Variants in OSBPL10 observed in about 807,000 individuals in gnomAD.
OSBPL10 encodes the protein oxysterol binding protein like 10, also known as oxysterol-binding protein-related protein 10.
In OSBPL10, 49 loss-of-function variants were observed where a neutral mutation model predicts 81.7. The observed-to-expected ratio is 0.60, with a 90% confidence interval of 0.48 to 0.76. The LOEUF (loss-of-function observed/expected upper bound fraction) is 0.76. OSBPL10 is among the 30% of genes least tolerant of loss of function. OSBPL10 has a pLI of 0.00. For missense variants in OSBPL10, 923 were observed against 987.8 expected (o/e 0.93, Z 0.88); for synonymous variants, 419 against 383.6 (o/e 1.09, Z -1.08).
intron 1 of OSBPL10, among the ~76,000 whole-genome samples, chr3:31,962,473 T>TA (rs34353075): frequency 0.075 from 11,368 of 152,220 alleles, 634 homozygotes; most frequent in East Asian, 0.29. Flanking sequence ...ACTGTACACT[T>TA]ACAAATGGTT....
At chr3:31,984,348 G>GTTT (rs144693842), upstream of OSBPL10, among the ~76,000 whole-genome samples, 6 of 145,544 alleles carry the variant, frequency 4.1e-5, no homozygotes, top group Non-Finnish European at 4.5e-5. Context: ...CCCACCTAAG[G>GTTT]TTTTTTTTTT....
chr3:32,012,213 A>G (rs2125540015), intron 2 of OSBPL10, among the ~76,000 whole-genome samples: 1 of 152,364 alleles, frequency 6.6e-6, no homozygotes, highest in East Asian at 1.9e-4. Flanking sequence ...GTTACCACAA[A>G]GGGAAGCCCA....
chr3:31,809,923 A>T (rs932159444), intron 4 of OSBPL10, among the ~76,000 whole-genome samples: 1 of 132,464 alleles, frequency 7.5e-6, no homozygotes, highest in African/African-American at 3.3e-5. Flanking sequence ...CCAGGCTGGA[A>T]TGCAATGGAG....
chr3:31,666,379 A>G (rs936375892), intron 10 of OSBPL10, among the ~76,000 whole-genome samples: 1 of 152,196 alleles, frequency 6.6e-6, no homozygotes, highest in Non-Finnish European at 1.5e-5. Context: ...CTAGTTGGGG[A>G]CTGGAGGCCT....
intron 1 of OSBPL10, among the ~76,000 whole-genome samples, chr3:32,071,661 A>C (rs1699829799): frequency 6.6e-6 from 1 of 151,870 alleles, no homozygotes; most frequent in Non-Finnish European, 1.5e-5. Flanking sequence ...TGCTCAACTC[A>C]CTCTCTACAG....
intron 6 of OSBPL10, chr3:31,713,810 T>G (rs922596524): frequency 1.3e-5 from 2 of 152,652 alleles, no homozygotes; most frequent in African/African-American, 4.8e-5. Flanking sequence ...GCTCTGCTTT[T>G]CCTTGCAGCA....
intron 2 of OSBPL10, among the ~76,000 whole-genome samples, chr3:32,019,130 C>G (rs185517828): frequency 6.6e-6 from 1 of 151,962 alleles, no homozygotes; most frequent in African/African-American, 2.4e-5. Flanking sequence ...CAACATCACC[C>G]ACCCCCCCAA....
chr3:31,765,207 TG>T (rs1359921310), intron 4 of OSBPL10, among the ~76,000 whole-genome samples: 1 of 151,740 alleles, frequency 6.6e-6, no homozygotes, highest in Non-Finnish European at 1.5e-5. Flanking sequence ...GTTTTGTTTT[TG>T]TTTTTTTTTT....
chr3:31,923,308 C>T (rs1404703774), intron 1 of OSBPL10, among the ~76,000 whole-genome samples: 1 of 152,106 alleles, frequency 6.6e-6, no homozygotes, highest in African/African-American at 2.4e-5. Context: ...CTCCAAAGGT[C>T]CAGTCCCCAC....
chr3:31,791,864 T>A lies in OSBPL10; in HGVS notation c.729+38176A>T, dbSNP rs1226912903. ...TTACAAAGAGCAAAAAAAAAAAAAATAAGAAACAGATTACTCCAATTCAAT... is the reference window on the plus strand; with the variant it reads ...TTACAAAGAGCAAAAAAAAAAAAAAAAAGAAACAGATTACTCCAATTCAAT... On this transcript the variant is annotated intron_variant, in intron 4 of 11. Transcript: ENST00000396556. Among the ~76,000 whole-genome samples the A allele has an allele frequency of 4.5e-4, 65 of 143,158 alleles. 1 individual carries two copies. The highest frequency in any genetic ancestry group is 1.2e-3 in the African/African-American group (45 of 38,400). The allele number at this position is 143,158 out of a possible 152,430, so 93.9% of individuals were successfully genotyped here.
intron 5 of OSBPL10, among the ~76,000 whole-genome samples, chr3:31,743,463 T>C (rs1027113359): frequency 6.6e-6 from 1 of 152,152 alleles, no homozygotes; most frequent in Non-Finnish European, 1.5e-5. Flanking sequence ...AATGTATAGA[T>C]GGGAGGCAGA....
intron 1 of OSBPL10, among the ~76,000 whole-genome samples, chr3:31,899,221 C>T (rs1290205950): frequency 6.6e-6 from 1 of 151,930 alleles, no homozygotes; most frequent in African/African-American, 2.4e-5. Context: ...GGATTACAGG[C>T]GTAAGCCACC....
At chr3:31,971,139 C>CTTTTTTTTTTTTTTTT (rs56785817) in intron 1 of OSBPL10, among the ~76,000 whole-genome samples, 1 of 119,354 alleles carries the variant, frequency 8.4e-6, no homozygotes, top group Non-Finnish European at 1.7e-5. Context: ...TTTCTTTTTT[C>CTTTTTTTTTTTTTTTT]TTTTTTTTTT....
At chr3:31,727,593 A>T (rs1696848722) in intron 6 of OSBPL10, among the ~76,000 whole-genome samples, 1 of 152,228 alleles carries the variant, frequency 6.6e-6, no homozygotes, top group South Asian at 2.1e-4. Context: ...AGGATTCAAT[A>T]AAGTGATTTT....
intron 3 of OSBPL10, among the ~76,000 whole-genome samples, chr3:31,865,782 C>T (rs1449775093): frequency 6.6e-6 from 1 of 152,174 alleles, no homozygotes; most frequent in African/African-American, 2.4e-5. Context: ...CAGATTGCCA[C>T]CAAAATTCTG....
chr3:32,044,334 C>G (rs1699604090), intron 2 of OSBPL10, among the ~76,000 whole-genome samples: 1 of 149,448 alleles, frequency 6.7e-6, no homozygotes, highest in Non-Finnish European at 1.5e-5. Flanking sequence ...AAAGAATTCC[C>G]CTATCAATAC....
intron 2 of OSBPL10, among the ~76,000 whole-genome samples, chr3:32,018,184 A>T (rs894479077): frequency 1.2e-4 from 18 of 148,746 alleles, no homozygotes; most frequent in African/African-American, 4.2e-4. Flanking sequence ...ATAAATAAAT[A>T]AATAAATAAA....
intron 4 of OSBPL10, among the ~76,000 whole-genome samples, chr3:31,775,239 C>T (rs1405821026): frequency 1.3e-5 from 2 of 151,928 alleles, no homozygotes; most frequent in South Asian, 2.1e-4. Context: ...GAGTTTGCCC[C>T]GTGAGTACAG....
At chr3:31,779,414 G>T (rs1228801047) in intron 4 of OSBPL10, among the ~76,000 whole-genome samples, 1 of 152,122 alleles carries the variant, frequency 6.6e-6, no homozygotes, top group Admixed American at 6.6e-5. Context: ...AGCAGGAATT[G>T]TTATTCTATC....
Sources: gnomAD v4.1 joint callset for allele counts (sites outside exome capture counted in the v4.1 genomes callset) on GRCh38, gnomAD v4.1.1 for gene constraint, MANE v1.5 for transcripts, NCBI Gene and HGNC (gene_info 2026-07-23, HGNC 2026-07-21) for gene names.